LATS1: variants seen among roughly 807,000 people sequenced by gnomAD.
LATS1 encodes serine/threonine-protein kinase LATS1.
In LATS1, 25 loss-of-function variants were observed where a neutral mutation model predicts 106.6. The ratio of observed to expected loss-of-function variants is 0.23; its 90% CI spans 0.17 to 0.33. LATS1 has a LOEUF of 0.33. LATS1 is among the 10% of genes least tolerant of loss of function. LATS1 has a pLI of 1.00. For missense variants in LATS1, 1,040 were observed against 1,382.6 expected, an observed-to-expected ratio of 0.75 and a Z score of 3.93; for synonymous variants, 465 against 455.6, an observed-to-expected ratio of 1.02 and a Z score of -0.26.
At chr6:149,676,183 C>T (rs1309081072) in intron 7 of LATS1, 77 bp downstream of exon 7, 1 of 980,482 alleles carries the variant, frequency 1.0e-6, no homozygotes, top group Non-Finnish European at 1.6e-6. Context: ...GACTAAAATG[C>T]TCTACGTACT....
Position 149,705,654 on chromosome 6 carries a change from C to T in LATS1, c.-140-3388G>A, listed in dbSNP as rs138177062. Among the ~76,000 whole-genome samples, 1,079 of 152,020 alleles carry T rather than the reference C, an allele frequency of 7.1e-3. 54 individuals carry two copies. Among genetic ancestry groups the T allele is most frequent in the Admixed American group, 0.058 (889 of 15,246 alleles). ...AGTTTTGCTTCTGTCAAAATATTTG[C>T]TTCCATTTCCCTATAATGGGACCTG... is the stretch of plus-strand genomic sequence containing the variant. On this transcript the variant is annotated intron_variant, in intron 1 of 7. Coordinates refer to ENST00000543571, the MANE Select transcript of LATS1 (RefSeq NM_004690.4).
rs1782227646 is a variant in LATS1, at chr6:149,684,197, C to G, written c.892G>C (p.Glu298Gln). ...ISPVPPGAWQ[E>Q]GYPPPPLNTS... The stretch of plus-strand genomic sequence containing the variant: ...TTGAGAGGTGGTGGAGGATAGCCCT[C>G]TTGCCATGCCCCAGGTGGGACAGGA... The change falls in exon 4 of 8, where the codon GAG becomes CAG. Residue 298 changes from glutamate (E) to glutamine (Q), a missense_variant. By Grantham distance (29) the Glu-to-Gln change is conservative. Transcript: ENST00000543571. 6 of 1,614,180 alleles carry G rather than the reference C, an allele frequency of 3.7e-6. No individual in the cohort carries two copies. The highest frequency in any genetic ancestry group is 5.1e-6 in the Non-Finnish European group (6 of 1,180,034).
intron 3 of LATS1, among the ~76,000 whole-genome samples, chr6:149,685,356 C>T (rs539149442): frequency 6.6e-5 from 10 of 152,134 alleles, no homozygotes; most frequent in Non-Finnish European, 1.5e-4. Context: ...TTGTAATTTT[C>T]ATAGCTCTAC....
At chr6:149,681,857 G>A (rs1014575707) in intron 4 of LATS1, among the ~76,000 whole-genome samples, 1 of 152,188 alleles carries the variant, frequency 6.6e-6, no homozygotes, top group African/African-American at 2.4e-5. Context: ...GCTCATGCCT[G>A]TAATCCCAGT....
intron 2 of LATS1, among the ~76,000 whole-genome samples, chr6:149,698,096 C>T (rs1783202847): frequency 6.6e-6 from 1 of 152,078 alleles, no homozygotes; most frequent in Admixed American, 6.6e-5. Flanking sequence ...GATTACTATG[C>T]TAACCTTTAT....
At chr6:149,693,661 A>T (rs1562343247) in intron 3 of LATS1, among the ~76,000 whole-genome samples, 2 of 152,080 alleles carry the variant, frequency 1.3e-5, no homozygotes, top group Non-Finnish European at 2.9e-5. Context: ...CAAACCAATA[A>T]ACAAATGCAG....
intron 3 of LATS1, 124 bp from the exon 4 acceptor site, chr6:149,684,716 A>G: frequency 1.4e-6 from 1 of 697,640 alleles, no homozygotes; most frequent in Non-Finnish European, 2.2e-6. Flanking sequence ...AATTATAAAA[A>G]TATAAAAAAG....
chr6:149,699,897 A>G (rs1783356872), intron 2 of LATS1, among the ~76,000 whole-genome samples: 1 of 152,218 alleles, frequency 6.6e-6, no homozygotes, highest in African/African-American at 2.4e-5. Flanking sequence ...ATGTGATTTC[A>G]TAACTTCTCT....
Position 149,699,228 on chromosome 6 carries a change from T to A in LATS1, c.348+2551A>T, listed in dbSNP as rs540632220. 4.6e-5 allele frequency among the ~76,000 whole-genome samples: 7 copies of A among 152,276 alleles called. No individual in the cohort carries two copies. The East Asian group carries it at 1.4e-3, about 29-fold the overall frequency. ...ACAATATAATAGGATGCTACCAGAA[T>A]GAGTGATTCAAGGAAGTAGAAGTGG... On this transcript the variant is annotated intron_variant, in intron 2 of 7. Transcript: ENST00000543571.
chr6:149,689,114 G>C (rs1160481743), intron 3 of LATS1, among the ~76,000 whole-genome samples: 1 of 152,052 alleles, frequency 6.6e-6, no homozygotes, highest in Non-Finnish European at 1.5e-5. Flanking sequence ...GTTGCAGTGA[G>C]CTGAGATAGC....
intron 7 of LATS1, chr6:149,675,940 C>G (rs1282735067): frequency 3.7e-6 from 1 of 268,502 alleles, no homozygotes; most frequent in East Asian, 9.3e-5. Flanking sequence ...GATATGGCAT[C>G]ATGGAGACTG....
rs1437316224 is a variant in LATS1 at position 149,717,888 on chromosome 6, C to A, written c.-180G>T. On this transcript the variant is annotated 5_prime_UTR_variant, in exon 1 of 8. Transcript: ENST00000543571. ...AGAGCTCCTGGACAGCGGCCACGGGCCTGAGGGCGGACGCTGAGGCGGCCA... is the reference window on the plus strand; with the variant it reads ...AGAGCTCCTGGACAGCGGCCACGGGACTGAGGGCGGACGCTGAGGCGGCCA... 1 of 371,958 alleles carries A rather than the reference C, an allele frequency of 2.7e-6. No homozygotes were observed. The highest frequency in any genetic ancestry group is 5.2e-6 in the Non-Finnish European group (1 of 190,514). 23.0% of individuals were successfully genotyped at this position (371,958 alleles called of 1,614,324 possible).
intron 7 of LATS1, among the ~76,000 whole-genome samples, chr6:149,668,954 G>A (rs1216829272): frequency 6.6e-6 from 1 of 151,770 alleles, no homozygotes; most frequent in Non-Finnish European, 1.5e-5. Flanking sequence ...GGGACTGTAG[G>A]CATGTACTGC....
At chr6:149,675,998 A>G in intron 7 of LATS1, 1 of 389,308 alleles carries the variant, frequency 2.6e-6, no homozygotes, top group South Asian at 2.6e-5. Context: ...TTACAAGTTC[A>G]TTCTTTTCCT....
At chr6:149,676,795 CTATT>C in intron 5 of LATS1, 58 bp from the exon 6 acceptor site, 4 of 1,458,354 alleles carry the variant, frequency 2.7e-6, no homozygotes, top group Admixed American at 2.0e-5. Flanking sequence ...AACCTGAAGT[CTATT>C]TAATCTTCTG....
chr6:149,703,923 G>C (rs1783605416), intron 1 of LATS1, among the ~76,000 whole-genome samples: 1 of 152,214 alleles, frequency 6.6e-6, no homozygotes, highest in Non-Finnish European at 1.5e-5. Context: ...GTTGACACCA[G>C]TCCAGATGTT....
intron 2 of LATS1, among the ~76,000 whole-genome samples, chr6:149,701,174 T>C (rs1401036394): frequency 6.6e-6 from 1 of 152,248 alleles, no homozygotes; most frequent in Non-Finnish European, 1.5e-5. Flanking sequence ...GCTTACAAGG[T>C]ATGTTATCAT....
chr6:149,683,115 T>C lies in LATS1; in HGVS notation c.1974A>G (p.Leu658=). 2 of 1,613,418 alleles carry C rather than the reference T, an allele frequency of 1.2e-6. No individual in the cohort carries two copies. Among genetic ancestry groups the C allele is most frequent in the South Asian group, 1.1e-5 (1 of 91,018 alleles). The part of the protein sequence containing the change: ...ENVLKSHQQR[L]HRKKQLENEM... The stretch of plus-strand genomic sequence containing the variant: ...CATTCTCTAATTGTTTTTTACGATG[T>C]AGACGCTGCTGATGAGATTTGAGTA... Residue 658 remains leucine (L), a synonymous_variant, in exon 4 of 8, where the codon CTA becomes CTG. Transcript: ENST00000543571.
Position 149,683,817 on chromosome 6 carries a change from A to G in LATS1, c.1272T>C (p.Ile424=). Residue 424 remains isoleucine, a synonymous_variant, in exon 4 of 8, where the codon ATT becomes ATC. Coordinates refer to ENST00000543571, the MANE Select transcript of LATS1 (RefSeq NM_004690.4). The part of the protein sequence containing the change: ...RNSHNMELYN[I]SVPGLQTNWP... Reference sequence around the variant, plus strand: ...AATTTGTTTGCAGTCCAGGTACACTAATGTTATATAGTTCCATGTTATGAC... The same window carrying G: ...AATTTGTTTGCAGTCCAGGTACACTGATGTTATATAGTTCCATGTTATGAC... The G allele has an allele frequency of 1.2e-6, 2 of 1,613,984 alleles. No homozygotes were observed. The highest frequency in any genetic ancestry group is 1.7e-6 in the Non-Finnish European group (2 of 1,180,018).
Sources: gnomAD v4.1 joint callset for allele counts (sites outside exome capture counted in the v4.1 genomes callset) on GRCh38, gnomAD v4.1.1 for gene constraint, MANE v1.5 for transcripts, NCBI Gene and HGNC (gene_info 2026-07-23, HGNC 2026-07-21) for gene names.